The following BID variants were observed in gnomAD, a reference collection of about 807,000 sequenced individuals.
BID encodes BH3-interacting domain death agonist.
Under a neutral mutation model 17.4 loss-of-function variants are expected in BID, and 19 were observed. That is an observed-to-expected ratio of 1.09 (90% CI 0.76 to 1.60). The LOEUF (loss-of-function observed/expected upper bound fraction) is 1.60. Among genes scored for constraint, BID ranks in the 40% most tolerant of loss-of-function variants. The probability of loss-of-function intolerance (pLI) is 0.00; values close to 1 mark genes in which losing one functional copy is unlikely to be tolerated. For missense variants in BID, 226 were observed against 256.0 expected (o/e 0.88, Z 0.80); for synonymous variants, 108 against 102.8 (o/e 1.05, Z -0.31).
At chr22:17,749,899 G>A (rs1160853428) in intron 2 of BID, among the ~76,000 whole-genome samples, 2 of 152,242 alleles carry the variant, frequency 1.3e-5, no homozygotes, top group Non-Finnish European at 2.9e-5. Flanking sequence ...CGGAGTGCGA[G>A]GAAGGCGCAG....
rs139131030 is a variant in BID, at chr22:17,740,246, C to T, written c.224-758G>A. ...GTTTTGTCCACTGACAAATACCCAG[C>T]ACTTAATACATGGCACTCAGTAGGT... On this transcript the variant is annotated intron_variant, in intron 3 of 5. Transcript: ENST00000622694. The T allele has an allele frequency of 7.9e-3, 10,863 of 1,379,782 alleles. 47 individuals carry two copies. The highest frequency in any genetic ancestry group is 9.1e-3 in the Non-Finnish European group (9,027 of 988,914). The allele number at this position is 1,379,782 out of a possible 1,614,324, so 85.5% of individuals were successfully genotyped here. A position where few individuals can be genotyped will look rare whatever the true frequency, so the allele number is the denominator to read the frequency against.
rs530596630 is a variant in BID at position 17,739,928 on chromosome 22, T to A, written c.224-440A>T. ...GCCCTCTCAAGCCTGAGAGCCCCCA[T>A]TCCTCGCAGTCCCGTCTCAGGAAAA... On this transcript the variant is annotated intron_variant, in intron 3 of 5. Coordinates refer to ENST00000622694, the MANE Select transcript of BID (RefSeq NM_001196.4). 1.6e-4 allele frequency: 125 copies of A among 771,882 alleles called. No homozygotes were observed. In the East Asian group the frequency reaches 3.4e-3, roughly 21 times the overall value. The allele number at this position is 771,882 out of a possible 1,614,324, so 47.8% of individuals were successfully genotyped here.
chr22:17,773,034 G>GAC lies in BID; in HGVS notation c.-59+1345_-59+1346dup, dbSNP rs1381646593. ...ACCACTCTCACATCTCATGAACAGA[G>GAC]ACACGAGCTGCTTCCTCATGCTCCC... is the stretch of plus-strand genomic sequence containing the variant. On this transcript the variant is annotated intron_variant, in intron 1 of 5. Transcript: ENST00000622694. This position sits in a 1 kb window ranked among gnomAD's most constrained non-coding sequence, Gnocchi z 4.4. Among the ~76,000 whole-genome samples, 1 of 152,174 alleles carries GAC rather than the reference G, an allele frequency of 6.6e-6. No homozygotes were observed. The highest frequency in any genetic ancestry group is 1.5e-5 in the Non-Finnish European group (1 of 68,020).
intron 1 of BID, among the ~76,000 whole-genome samples, chr22:17,766,153 G>C (rs1445433096): frequency 6.6e-6 from 1 of 152,070 alleles, no homozygotes; most frequent in Non-Finnish European, 1.5e-5. Context: ...CGAGCTCCTG[G>C]ACTCAAGACA....
At chr22:17,762,502 A>G (rs552345796) in intron 1 of BID, among the ~76,000 whole-genome samples, 8 of 151,662 alleles carry the variant, frequency 5.3e-5, no homozygotes, top group African/African-American at 1.5e-4. Context: ...TCTCAAAATT[A>G]ATTAATTAAT....
intron 1 of BID, among the ~76,000 whole-genome samples, chr22:17,758,469 C>G (rs761214763): frequency 6.6e-6 from 1 of 152,326 alleles, no homozygotes; most frequent in Admixed American, 6.5e-5. Context: ...CGCTGAAGAA[C>G]TGAAAAGTAG....
chr22:17,741,415 G>T (rs1022797079), intron 3 of BID, among the ~76,000 whole-genome samples: 2 of 151,842 alleles, frequency 1.3e-5, no homozygotes, highest in African/African-American at 4.8e-5. Flanking sequence ...CAGCCTGAAA[G>T]TACGTCTGAC....
chr22:17,760,133 C>CA (rs34899110), intron 1 of BID, among the ~76,000 whole-genome samples: 24,829 of 64,926 alleles, frequency 0.38, 4,522 homozygotes, highest in East Asian at 0.75. Flanking sequence ...GACTCCATCT[C>CA]AAAAAAAAAA....
intron 1 of BID, among the ~76,000 whole-genome samples, chr22:17,772,159 G>C (rs534399709): frequency 6.6e-6 from 1 of 152,352 alleles, no homozygotes; most frequent in African/African-American, 2.4e-5. Flanking sequence ...CAAGTGCTCC[G>C]TGAGCGTCCG....
At chr22:17,746,244 C>T (rs888553960) in intron 2 of BID, among the ~76,000 whole-genome samples, 17 of 152,144 alleles carry the variant, frequency 1.1e-4, no homozygotes, top group Non-Finnish European at 2.2e-4. Flanking sequence ...GGCGGGGGAG[C>T]GCAGAAAGAG....
At chr22:17,763,905 A>T (rs201485888) in intron 1 of BID, among the ~76,000 whole-genome samples, 3 of 44,164 alleles carry the variant, frequency 6.8e-5, no homozygotes, top group African/African-American at 4.1e-4. Flanking sequence ...CTTATAATTT[A>T]AAAAAAAAAA....
rs369256318 is a variant in BID, at chr22:17,750,071, C to T, written c.12+34G>A. ...GGCCCTTACCCCTCGACCCCGCCCC[C>T]CACAAGGCACCCGCAGGGGATCTGG... On this transcript the variant is annotated intron_variant, in intron 2 of 5. Transcript: ENST00000622694. The T allele has an allele frequency of 1.7e-4, 277 of 1,607,760 alleles. No individual in the cohort carries two copies. In the African/African-American group the frequency reaches 3.4e-3, roughly 20 times the overall value.
chr22:17,767,018 G>C (rs2061683957), intron 1 of BID, among the ~76,000 whole-genome samples: 1 of 152,044 alleles, frequency 6.6e-6, no homozygotes, highest in African/African-American at 2.4e-5. Context: ...GAGATCAGGA[G>C]TTCGAGACCA....
At chr22:17,766,416 G>T (rs915531435) in intron 1 of BID, among the ~76,000 whole-genome samples, 3 of 151,552 alleles carry the variant, frequency 2.0e-5, no homozygotes, top group African/African-American at 7.3e-5. Context: ...CGAGTAGCTG[G>T]AATTACAGGC....
Position 17,750,137 on chromosome 22 carries a change from T to G in BID, c.-21A>C, listed in dbSNP as rs1302816078. 1 of 1,613,142 alleles carries G rather than the reference T, an allele frequency of 6.2e-7. No homozygotes were observed. The highest frequency in any genetic ancestry group is 1.3e-5 in the African/African-American group (1 of 74,904). ...TCCATGGCCTGGGCAGCGCGGCAGC[T>G]CCGACTCACTCCTGGTTCACAGTGT... On this transcript the variant is annotated 5_prime_UTR_variant, in exon 2 of 6. Transcript: ENST00000622694.
At chr22:17,757,626 G>A (rs1464143546) in intron 1 of BID, among the ~76,000 whole-genome samples, 69 of 149,472 alleles carry the variant, frequency 4.6e-4, no homozygotes, top group African/African-American at 1.6e-3. Context: ...GGAGAATGGA[G>A]TGAACCCGGG....
Position 17,769,178 on chromosome 22 carries a change from C to G in BID, c.-59+5203G>C, listed in dbSNP as rs980925245. 2.0e-5 allele frequency among the ~76,000 whole-genome samples: 3 copies of G among 152,268 alleles called. No homozygotes were observed. Among genetic ancestry groups the G allele is most frequent in the Non-Finnish European group, 2.9e-5 (2 of 68,048 alleles). On this transcript the variant is annotated intron_variant, in intron 1 of 5. Coordinates refer to ENST00000622694, the MANE Select transcript of BID (RefSeq NM_001196.4). The surrounding 1 kb of genome is among the most constrained non-coding windows in gnomAD (Gnocchi z 4.8). ...CAGCAGGGCCTGTGCCGTGCCAACG[C>G]CATGCCCCTGCCTGGCAGAAATGCC... is the stretch of plus-strand genomic sequence containing the variant.
intron 1 of BID, among the ~76,000 whole-genome samples, chr22:17,756,339 G>A (rs1333001778): frequency 1.3e-5 from 2 of 152,190 alleles, no homozygotes; most frequent in Non-Finnish European, 2.9e-5. Context: ...CAGCCACAAG[G>A]CACTGGTCGT....
At chr22:17,739,941 C>T (rs1199528934) in intron 3 of BID, 10 of 864,724 alleles carry the variant, frequency 1.2e-5, no homozygotes, top group South Asian at 4.6e-5. Flanking sequence ...CTCGCAGTCC[C>T]GTCTCAGGAA....
Sources: gnomAD v4.1 joint callset for allele counts (sites outside exome capture counted in the v4.1 genomes callset) on GRCh38, gnomAD v4.1.1 for gene constraint, Gnocchi (gnomAD v3.1) non-coding constraint, MANE v1.5 for transcripts, NCBI Gene and HGNC (gene_info 2026-07-23, HGNC 2026-07-21) for gene names.